Variants in FSHR observed in about 807,000 individuals in gnomAD.
FSHR encodes follicle stimulating hormone receptor.
FSHR carries 46 observed loss-of-function variants against 52.1 expected under a neutral mutation model. That is an observed-to-expected ratio of 0.88 (90% CI 0.70 to 1.13). The LOEUF (loss-of-function observed/expected upper bound fraction) is 1.13. Ranked by LOEUF, FSHR falls within the 50% of genes most tolerant of loss-of-function variation. The pLI is 0.00. For missense variants in FSHR, 964 were observed against 834.6 expected (o/e 1.16, Z -1.91); for synonymous variants, 399 against 309.6 (o/e 1.29, Z -3.03).
chr2:49,112,531 A>C (rs192528473), intron 1 of FSHR, among the ~76,000 whole-genome samples: 1 of 152,322 alleles, frequency 6.6e-6, no homozygotes, highest in Admixed American at 6.5e-5. Flanking sequence ...ATATGTTAAA[A>C]ATTTCAAAAC....
chr2:49,062,713 A>C (rs1446394031), intron 2 of FSHR, among the ~76,000 whole-genome samples: 7 of 152,156 alleles, frequency 4.6e-5, no homozygotes, highest in Non-Finnish European at 1.5e-5. Context: ...ACTCAACAGC[A>C]AAATTAATAA....
At chr2:49,060,153 C>T (rs1186582818) in intron 2 of FSHR, among the ~76,000 whole-genome samples, 1 of 152,092 alleles carries the variant, frequency 6.6e-6, no homozygotes, top group African/African-American at 2.4e-5. Flanking sequence ...AATGAGGTAT[C>T]ATCTCACACC....
chr2:49,149,049 G>C (rs1473503410), intron 1 of FSHR, among the ~76,000 whole-genome samples: 1 of 151,920 alleles, frequency 6.6e-6, no homozygotes, highest in Non-Finnish European at 1.5e-5. Flanking sequence ...CCGAAGCAAA[G>C]ATAATGGTAA....
chr2:48,968,820 CA>C lies in FSHR; in HGVS notation c.731del (p.Leu244ArgfsTer9). The C allele has an allele frequency of 6.2e-7, 1 of 1,614,058 alleles. No individual in the cohort carries two copies. The highest frequency in any genetic ancestry group is 8.5e-7 in the Non-Finnish European group (1 of 1,179,988). ...PSYGLENLKK[L>X]RARSTYNLKK... The stretch of plus-strand genomic sequence containing the variant: ...TTAAGTTGTAAGTCGACCTGGCCCT[CA>C]GCTTCTTAAGATTTTCTAAGCCATA... On this transcript the variant is annotated frameshift_variant, in exon 9 of 10. Coordinates refer to ENST00000406846, the MANE Select transcript of FSHR (RefSeq NM_000145.4). LOFTEE classifies it high-confidence loss of function.
intron 4 of FSHR, among the ~76,000 whole-genome samples, chr2:49,006,230 C>G (rs1164099495): frequency 1.3e-5 from 2 of 152,070 alleles, no homozygotes; most frequent in East Asian, 3.9e-4. Flanking sequence ...AAAATCCTGA[C>G]TAATACATGA....
intron 2 of FSHR, among the ~76,000 whole-genome samples, chr2:49,028,767 G>T (rs1160962573): frequency 6.6e-6 from 1 of 152,150 alleles, no homozygotes; most frequent in Non-Finnish European, 1.5e-5. Flanking sequence ...CTGTTGGTTG[G>T]AGGTGCCCAG....
At chr2:48,972,902 A>C (rs1048346924) in intron 8 of FSHR, among the ~76,000 whole-genome samples, 3 of 152,186 alleles carry the variant, frequency 2.0e-5, no homozygotes, top group African/African-American at 7.2e-5. Flanking sequence ...AAAGAGAAAC[A>C]AATTTTTATA....
intron 1 of FSHR, among the ~76,000 whole-genome samples, chr2:49,105,864 C>T (rs183987448): frequency 1.3e-5 from 2 of 152,130 alleles, no homozygotes; most frequent in East Asian, 3.9e-4. Context: ...AGTTGAAGAA[C>T]ACTGACTCAG....
At chr2:49,086,070 A>T (rs1436574966) in intron 1 of FSHR, among the ~76,000 whole-genome samples, 1 of 152,154 alleles carries the variant, frequency 6.6e-6, no homozygotes, top group African/African-American at 2.4e-5. Flanking sequence ...ATATGTAACT[A>T]ACCTGCACAT....
At chr2:49,083,619 A>C (rs1670259858) in intron 1 of FSHR, among the ~76,000 whole-genome samples, 2 of 149,916 alleles carry the variant, frequency 1.3e-5, no homozygotes, top group Admixed American at 1.3e-4. Context: ...GCAGAGACAC[A>C]CATAGGCTCA....
At chr2:49,055,176 A>G (rs1276810882) in intron 2 of FSHR, among the ~76,000 whole-genome samples, 2 of 152,036 alleles carry the variant, frequency 1.3e-5, no homozygotes, top group Non-Finnish European at 2.9e-5. Context: ...AAAGTGGCAA[A>G]GAGATATCAC....
At chr2:49,139,651 G>T (rs566803691) in intron 1 of FSHR, among the ~76,000 whole-genome samples, 2 of 149,200 alleles carry the variant, frequency 1.3e-5, no homozygotes, top group South Asian at 2.1e-4. Context: ...AGGCTGGAGT[G>T]CAGTGGCATG....
At position 48,980,768 on chromosome 2, in the gene FSHR, C is replaced by T. The variant is rs555882663; in HGVS notation, c.668+2144G>A. 8.5e-5 allele frequency among the ~76,000 whole-genome samples: 13 copies of T among 152,256 alleles called. No individual in the cohort carries two copies. The South Asian group carries it at 2.7e-3, about 32-fold the overall frequency. On this transcript the variant is annotated intron_variant, in intron 8 of 9. Coordinates refer to ENST00000406846, the MANE Select transcript of FSHR (RefSeq NM_000145.4). ...GTTTCTGGTCCAGACTCTGCCCCTT[C>T]TAGTTGCAGTGTGATCTTTAACAGA...
At chr2:49,114,385 T>C (rs990128290) in intron 1 of FSHR, among the ~76,000 whole-genome samples, 1 of 152,122 alleles carries the variant, frequency 6.6e-6, no homozygotes, top group African/African-American at 2.4e-5. Context: ...ACATAACATG[T>C]CAGAACCAGC....
At chr2:48,989,671 G>A (rs149807315) in intron 5 of FSHR, among the ~76,000 whole-genome samples, 1 of 152,104 alleles carries the variant, frequency 6.6e-6, no homozygotes, top group Non-Finnish European at 1.5e-5. Flanking sequence ...TAACTTCTCT[G>A]TTCATCTTAG....
At chr2:49,083,031 G>C (rs533407351) in intron 1 of FSHR, among the ~76,000 whole-genome samples, 48 of 150,928 alleles carry the variant, frequency 3.2e-4, no homozygotes, top group Admixed American at 3.3e-4. Flanking sequence ...GCAACTCCAA[G>C]ATACATAATT....
chr2:49,008,985 C>T (rs946358881), intron 4 of FSHR, among the ~76,000 whole-genome samples: 5 of 151,638 alleles, frequency 3.3e-5, no homozygotes, highest in African/African-American at 7.3e-5. Flanking sequence ...GTTGCCTGTT[C>T]CCTCTGATGG....
At chr2:49,118,897 C>T (rs1437407011) in intron 1 of FSHR, among the ~76,000 whole-genome samples, 1 of 152,210 alleles carries the variant, frequency 6.6e-6, no homozygotes, top group African/African-American at 2.4e-5. Context: ...ATGGGATCCT[C>T]TCTTGAGTAT....
intron 4 of FSHR, among the ~76,000 whole-genome samples, chr2:48,993,838 G>A (rs144889501): frequency 7.9e-5 from 12 of 152,138 alleles, no homozygotes; most frequent in African/African-American, 2.9e-4. Context: ...TTCACCTGGC[G>A]AACTTCAACT....
Sources: gnomAD v4.1 joint callset for allele counts (sites outside exome capture counted in the v4.1 genomes callset) on GRCh38, gnomAD v4.1.1 for gene constraint, MANE v1.5 for transcripts, NCBI Gene and HGNC (gene_info 2026-07-23, HGNC 2026-07-21) for gene names.